Variants in MCC observed in about 807,000 individuals in gnomAD.
The protein encoded by MCC is MCC regulator of Wnt signaling pathway.
Under a neutral mutation model 116.2 loss-of-function variants are expected in MCC, and 90 were observed. The ratio of observed to expected loss-of-function variants is 0.77; its 90% CI spans 0.65 to 0.92. MCC has a LOEUF of 0.92. Ranked by LOEUF, MCC falls within the 40% of genes least tolerant of loss-of-function variation. The pLI, the probability that MCC is intolerant of heterozygous loss-of-function variation, is 0.00. For missense variants in MCC, 1,516 were observed against 1,312.2 expected (o/e 1.16, Z -2.40); for synonymous variants, 578 against 510.5 (o/e 1.13, Z -1.78).
intron 6 of MCC, 22 bp from the exon 7 acceptor site, chr5:113,104,377 A>C: frequency 6.3e-7 from 1 of 1,589,812 alleles, no homozygotes; most frequent in Non-Finnish European, 8.6e-7. Flanking sequence ...TGAAGACAAA[A>C]TGCGTTACAC....
chr5:113,193,907 A>G (rs1461521382), intron 3 of MCC, among the ~76,000 whole-genome samples: 1 of 151,968 alleles, frequency 6.6e-6, no homozygotes, highest in Non-Finnish European at 1.5e-5. Context: ...AATTTGGGTA[A>G]TAGTTGTTAT....
At chr5:113,210,035 C>T (rs549145270) in intron 3 of MCC, among the ~76,000 whole-genome samples, 10 of 152,248 alleles carry the variant, frequency 6.6e-5, no homozygotes, top group East Asian at 5.8e-4. Flanking sequence ...TATGTTTGAG[C>T]GTTGTTGTTC....
chr5:113,127,361 A>AAAG (rs1758118287), intron 5 of MCC, among the ~76,000 whole-genome samples: 3 of 152,224 alleles, frequency 2.0e-5, no homozygotes, highest in Non-Finnish European at 2.9e-5. Context: ...CTCTTGGTAT[A>AAAG]TACCCAGTAA....
At chr5:113,356,880 C>A (rs1768427686) in intron 2 of MCC, among the ~76,000 whole-genome samples, 2 of 152,226 alleles carry the variant, frequency 1.3e-5, no homozygotes, top group African/African-American at 4.8e-5. Context: ...CTGTACTAAG[C>A]ATTTCACATA....
intron 3 of MCC, among the ~76,000 whole-genome samples, chr5:113,194,768 A>G (rs769281264): frequency 1.3e-5 from 2 of 152,264 alleles, no homozygotes; most frequent in Non-Finnish European, 2.9e-5. Flanking sequence ...GCTGCTCCGT[A>G]GAAAGATTTT....
chr5:113,109,937 T>A (rs1174487075), intron 6 of MCC, among the ~76,000 whole-genome samples: 1 of 152,210 alleles, frequency 6.6e-6, no homozygotes, highest in Non-Finnish European at 1.5e-5. Flanking sequence ...GCAGGCCCAC[T>A]GGCTTTCTCC....
At chr5:113,094,483 C>T (rs552019399) in intron 8 of MCC, among the ~76,000 whole-genome samples, 10 of 149,988 alleles carry the variant, frequency 6.7e-5, no homozygotes, top group South Asian at 4.3e-4. Context: ...TGCAGTGGCG[C>T]GATCACGGCT....
intron 1 of MCC, chr5:113,433,685 G>A: frequency 6.4e-7 from 1 of 1,564,348 alleles, no homozygotes; most frequent in Non-Finnish European, 8.7e-7. Flanking sequence ...CTTCTTCAGA[G>A]CTTGGGCTTT....
At chr5:113,122,039 A>G (rs1197780065) in intron 6 of MCC, among the ~76,000 whole-genome samples, 3 of 152,262 alleles carry the variant, frequency 2.0e-5, no homozygotes, top group Non-Finnish European at 2.9e-5. Flanking sequence ...TTCATGAAAC[A>G]ATACTGTCAC....
At chr5:113,036,960 T>A (rs1407021158) in intron 17 of MCC, among the ~76,000 whole-genome samples, 1 of 152,224 alleles carries the variant, frequency 6.6e-6, no homozygotes, top group Non-Finnish European at 1.5e-5. Flanking sequence ...CAGACCCATG[T>A]GCTTTTATGG....
intron 3 of MCC, among the ~76,000 whole-genome samples, chr5:113,160,667 G>A (rs886107108): frequency 1.3e-5 from 2 of 152,198 alleles, no homozygotes; most frequent in African/African-American, 4.8e-5. Flanking sequence ...CGAAACTGTT[G>A]AGAAGAAAGA....
At chr5:113,276,135 G>T (rs1037107911) in intron 3 of MCC, among the ~76,000 whole-genome samples, 1 of 152,050 alleles carries the variant, frequency 6.6e-6, no homozygotes, top group East Asian at 1.9e-4. Flanking sequence ...GCCCATGCTG[G>T]CTCCCCAAGC....
intron 3 of MCC, among the ~76,000 whole-genome samples, chr5:113,175,753 A>G (rs1390009622): frequency 6.6e-6 from 1 of 152,182 alleles, no homozygotes; most frequent in Non-Finnish European, 1.5e-5. Context: ...TCTAAAATAC[A>G]TTCAATTTTA....
At position 113,024,175 on chromosome 5, in the gene MCC, A is replaced by AGACTT. The variant is rs1358944857; in HGVS notation, c.*3122_*3126dup. 1.8e-4 allele frequency: 27 copies of AGACTT among 152,226 alleles called. No homozygotes were observed. The highest frequency in any genetic ancestry group is 6.3e-4 in the African/African-American group (26 of 41,452). The allele number at this position is 152,226 out of a possible 1,614,324, so 9.4% of individuals were successfully genotyped here. On this transcript the variant is annotated 3_prime_UTR_variant, in exon 19 of 19. Coordinates refer to ENST00000408903, the MANE Select transcript of MCC (RefSeq NM_001085377.2). ...TAAAATATTGCTGCAGGCTCAGAGA[A>AGACTT]GACTTAGTGCATGCATCTGAAAGGA...
chr5:113,460,901 CA>C (rs1771724971), intron 1 of MCC, among the ~76,000 whole-genome samples: 2 of 152,144 alleles, frequency 1.3e-5, no homozygotes, highest in Admixed American at 6.5e-5. Flanking sequence ...ATTTTAGCTG[CA>C]CATCAAAATT....
intron 11 of MCC, among the ~76,000 whole-genome samples, chr5:113,074,266 C>A (rs1754260189): frequency 6.6e-6 from 1 of 152,222 alleles, no homozygotes; most frequent in Non-Finnish European, 1.5e-5. Flanking sequence ...CCCACACAAA[C>A]AGGGTCTGGA....
chr5:113,069,601 C>T (rs555573692), intron 12 of MCC, among the ~76,000 whole-genome samples: 1 of 152,364 alleles, frequency 6.6e-6, no homozygotes, highest in East Asian at 1.9e-4. Flanking sequence ...CGGAGTCTCG[C>T]TCTGTCGCCC....
intron 3 of MCC, among the ~76,000 whole-genome samples, chr5:113,252,961 C>T (rs1220236135): frequency 6.6e-6 from 1 of 152,206 alleles, no homozygotes; most frequent in African/African-American, 2.4e-5. Flanking sequence ...TTCAAGAAAG[C>T]CTTATTTTCC....
chr5:113,349,418 CATATCAA>C (rs2150381509), intron 2 of MCC, among the ~76,000 whole-genome samples: 1 of 152,116 alleles, frequency 6.6e-6, no homozygotes, highest in Non-Finnish European at 1.5e-5. Flanking sequence ...ATGTGATACT[CATATCAA>C]CTGAATGAAG....
Sources: gnomAD v4.1 joint callset for allele counts (sites outside exome capture counted in the v4.1 genomes callset) on GRCh38, gnomAD v4.1.1 for gene constraint, MANE v1.5 for transcripts, NCBI Gene and HGNC (gene_info 2026-07-23, HGNC 2026-07-21) for gene names.